Variants in LSAMP observed in about 807,000 individuals in gnomAD.
LSAMP encodes the protein limbic system-associated membrane protein.
LSAMP carries 7 observed loss-of-function variants against 38.6 expected under a neutral mutation model. The observed-to-expected ratio is 0.18, with a 90% confidence interval of 0.10 to 0.34. The LOEUF is 0.34. LSAMP is among the 10% of genes least tolerant of loss of function. LSAMP has a pLI of 1.00. For missense variants in LSAMP, 313 were observed against 420.0 expected, an observed-to-expected ratio of 0.75 and a Z score of 2.23; for synonymous variants, 154 against 166.8, an observed-to-expected ratio of 0.92 and a Z score of 0.59.
intron 1 of LSAMP, among the ~76,000 whole-genome samples, chr3:116,285,262 A>G (rs2047178726): frequency 6.6e-6 from 1 of 152,124 alleles, no homozygotes; most frequent in East Asian, 1.9e-4. Flanking sequence ...CACTCATGGA[A>G]TAAAATCACA....
At chr3:115,889,667 T>C (rs1936546182) in intron 3 of LSAMP, among the ~76,000 whole-genome samples, 1 of 151,902 alleles carries the variant, frequency 6.6e-6, no homozygotes, top group African/African-American at 2.4e-5. Context: ...ACCTTAGAGA[T>C]TAATAGTCTG....
chr3:115,840,405 G>C (rs1158958722), intron 6 of LSAMP, among the ~76,000 whole-genome samples: 2 of 151,826 alleles, frequency 1.3e-5, no homozygotes, highest in East Asian at 3.9e-4. Flanking sequence ...AATGAATCAA[G>C]TAACTACAGT....
intron 1 of LSAMP, among the ~76,000 whole-genome samples, chr3:116,152,524 T>C (rs1232084560): frequency 3.3e-5 from 5 of 152,072 alleles, no homozygotes. Flanking sequence ...AAATTGAGCT[T>C]GTATAATTTA....
chr3:116,147,597 C>A (rs1399087287), intron 1 of LSAMP, among the ~76,000 whole-genome samples: 1 of 151,916 alleles, frequency 6.6e-6, no homozygotes, highest in Non-Finnish European at 1.5e-5. Flanking sequence ...CAAGAATTGA[C>A]AACAGGCCCT....
chr3:115,981,139 A>G (rs910380383), intron 3 of LSAMP, among the ~76,000 whole-genome samples: 1 of 152,184 alleles, frequency 6.6e-6, no homozygotes. Context: ...AAGTTGCTGC[A>G]TCATGGAAAA....
chr3:116,156,982 T>C (rs192957680), intron 1 of LSAMP, among the ~76,000 whole-genome samples: 1 of 152,266 alleles, frequency 6.6e-6, no homozygotes, highest in Non-Finnish European at 1.5e-5. Flanking sequence ...TTCTAAGGAC[T>C]CTAATGATTG....
chr3:115,945,469 G>A (rs1413007709), intron 3 of LSAMP, among the ~76,000 whole-genome samples: 1 of 152,110 alleles, frequency 6.6e-6, no homozygotes, highest in African/African-American at 2.4e-5. Flanking sequence ...ATATTGTAAA[G>A]GGGTGAGAAA....
intron 5 of LSAMP, 113 bp from the exon 6 acceptor site, chr3:115,842,106 TTTG>T: frequency 8.9e-7 from 1 of 1,121,186 alleles, no homozygotes; most frequent in South Asian, 1.6e-5. Flanking sequence ...GTAGCTAGAG[TTTG>T]TTGTTCCATG....
chr3:116,289,014 G>A (rs1267109680), intron 1 of LSAMP, among the ~76,000 whole-genome samples: 1 of 152,112 alleles, frequency 6.6e-6, no homozygotes, highest in African/African-American at 2.4e-5. Flanking sequence ...AAGGATTTAT[G>A]TTACAATACA....
chr3:116,050,449 G>T (rs1317630787), intron 2 of LSAMP, among the ~76,000 whole-genome samples: 1 of 151,754 alleles, frequency 6.6e-6, no homozygotes, highest in Admixed American at 6.6e-5. Flanking sequence ...TCTGTTTCCT[G>T]CAGGGAGTCT....
At chr3:116,355,805 C>T (rs1282313688) in intron 1 of LSAMP, among the ~76,000 whole-genome samples, 1 of 152,062 alleles carries the variant, frequency 6.6e-6, no homozygotes, top group Non-Finnish European at 1.5e-5. Flanking sequence ...ATACAAATGG[C>T]AGACAAGTAT....
chr3:116,040,157 C>G (rs1941137617), intron 2 of LSAMP, among the ~76,000 whole-genome samples: 1 of 152,138 alleles, frequency 6.6e-6, no homozygotes, highest in Non-Finnish European at 1.5e-5. Flanking sequence ...TGGGTAAACA[C>G]AGTTGAGGGG....
intron 1 of LSAMP, among the ~76,000 whole-genome samples, chr3:116,292,514 A>G (rs936341424): frequency 2.6e-5 from 4 of 152,216 alleles, no homozygotes; most frequent in African/African-American, 9.7e-5. Context: ...TAACTATAAA[A>G]TCTTGAGCAA....
At chr3:116,382,023 A>C (rs1428934984) in intron 1 of LSAMP, among the ~76,000 whole-genome samples, 1 of 152,162 alleles carries the variant, frequency 6.6e-6, no homozygotes, top group African/African-American at 2.4e-5. Flanking sequence ...TATAGCTAAG[A>C]GAGGATGTGG....
At chr3:116,431,406 C>A (rs1466504753) in intron 1 of LSAMP, among the ~76,000 whole-genome samples, 2 of 152,030 alleles carry the variant, frequency 1.3e-5, no homozygotes, top group Non-Finnish European at 1.5e-5. Context: ...CTAGTGATCA[C>A]TGCTTTCTTT....
At chr3:116,187,141 T>G (rs986559198) in intron 1 of LSAMP, among the ~76,000 whole-genome samples, 5 of 152,162 alleles carry the variant, frequency 3.3e-5, no homozygotes, top group Non-Finnish European at 7.3e-5. Flanking sequence ...TCTTGGCCTA[T>G]TTTGCACGCT....
chr3:116,397,192 A>G (rs1247354268), intron 1 of LSAMP, among the ~76,000 whole-genome samples: 1 of 152,190 alleles, frequency 6.6e-6, no homozygotes, highest in Non-Finnish European at 1.5e-5. Context: ...AAAGCTCTAT[A>G]GACCTGACAT....
intron 1 of LSAMP, among the ~76,000 whole-genome samples, chr3:116,170,565 C>G (rs768945643): frequency 6.6e-6 from 1 of 152,064 alleles, no homozygotes; most frequent in Non-Finnish European, 1.5e-5. Flanking sequence ...GCATACCAGC[C>G]TCTGACATTA....
chr3:115,942,767 T>G (rs1937966845), intron 3 of LSAMP, among the ~76,000 whole-genome samples: 1 of 152,156 alleles, frequency 6.6e-6, no homozygotes, highest in Non-Finnish European at 1.5e-5. Flanking sequence ...CCAGTAAATT[T>G]TCATGCAAGT....
Sources: allele counts gnomAD v4.1 joint callset (sites outside exome capture counted in the v4.1 genomes callset), GRCh38; gene constraint gnomAD v4.1.1; transcripts MANE v1.5; gene names NCBI Gene and HGNC (gene_info 2026-07-23, HGNC 2026-07-21).